The following SEPTIN10 variants were observed in gnomAD, a reference collection of about 807,000 sequenced individuals.
SEPTIN10 encodes septin 10, also known as septin-10.
Under a neutral mutation model 54.8 loss-of-function variants are expected in SEPTIN10, and 66 were observed. The observed-to-expected ratio is 1.21, with a 90% CI of 0.99 to 1.48. SEPTIN10 has a LOEUF of 1.48. Among genes scored for constraint, SEPTIN10 ranks in the 40% most tolerant of loss-of-function variants. The pLI, the probability that SEPTIN10 is intolerant of heterozygous loss-of-function variation, is 0.00. For missense variants in SEPTIN10, 620 were observed against 545.6 expected (o/e 1.14, Z -1.36); for synonymous variants, 161 against 181.0 (o/e 0.89, Z 0.89).
intron 7 of SEPTIN10, 48 bp downstream of exon 7, chr2:109,565,715 A>C (rs773936474): frequency 1.4e-6 from 2 of 1,454,648 alleles, no homozygotes; most frequent in South Asian, 2.3e-5. Context: ...GGTAGCTTTG[A>C]GATTACTAGA....
chr2:109,572,240 C>T (rs987590730), intron 5 of SEPTIN10, among the ~76,000 whole-genome samples: 8 of 152,084 alleles, frequency 5.3e-5, no homozygotes, highest in Non-Finnish European at 1.2e-4. Context: ...ATGCCATTCT[C>T]CTGCCTCAGT....
chr2:109,586,579 C>T (rs1426397327), intron 2 of SEPTIN10, among the ~76,000 whole-genome samples: 1 of 152,180 alleles, frequency 6.6e-6, no homozygotes, highest in Admixed American at 6.5e-5. Flanking sequence ...CAAACACACT[C>T]CACTCAAATC....
chr2:109,596,458 A>C (rs1230816541), intron 1 of SEPTIN10, among the ~76,000 whole-genome samples: 3 of 152,054 alleles, frequency 2.0e-5, no homozygotes, highest in Admixed American at 1.3e-4. Flanking sequence ...TCTACTAAAA[A>C]TACAAAAAAT....
chr2:109,565,280 T>C (rs1686705612), intron 7 of SEPTIN10, among the ~76,000 whole-genome samples: 1 of 152,232 alleles, frequency 6.6e-6, no homozygotes, highest in Non-Finnish European at 1.5e-5. Flanking sequence ...ATTAGCACTA[T>C]AAGTAAATGA....
At chr2:109,568,269 C>T (rs1032143603) in intron 5 of SEPTIN10, among the ~76,000 whole-genome samples, 2 of 152,056 alleles carry the variant, frequency 1.3e-5, no homozygotes, top group African/African-American at 4.8e-5. Flanking sequence ...TATTCTCAGC[C>T]TGGCCCTTTG....
At chr2:109,553,276 G>T (rs924247196) in intron 8 of SEPTIN10, 57 bp from the exon 9 acceptor site, 1 of 1,583,652 alleles carries the variant, frequency 6.3e-7, no homozygotes. Flanking sequence ...CGGGTATGGC[G>T]GCTCACGCCT....
rs377499673 is a variant in SEPTIN10 at position 109,574,648 on chromosome 2, A to G, written c.533T>C (p.Phe178Ser). ...HDSRIHVCLY[F>S]ISPTGHSLKT... The stretch of plus-strand genomic sequence containing the variant: ...CAGAGAGTGGCCTGTCGGTGAAATG[A>G]AGTAGAGACACACATGGATGCGAGA... Residue 178 changes from phenylalanine to serine, a missense_variant, in exon 5 of 11, where the codon TTC becomes TCC. Phe to Ser is a radical substitution (Grantham distance 155). Transcript: ENST00000397712. 1.6e-5 allele frequency: 26 copies of G among 1,606,694 alleles called. No individual in the cohort carries two copies. The highest frequency in any genetic ancestry group is 2.1e-5 in the Non-Finnish European group (25 of 1,176,652).
At chr2:109,568,046 C>A in intron 5 of SEPTIN10, 70 bp from the exon 6 acceptor site, 1 of 1,214,490 alleles carries the variant, frequency 8.2e-7, no homozygotes. Context: ...TGTTTTTTCA[C>A]TCAAAACTGT....
At chr2:109,579,385 CTTT>C (rs150577425) in intron 4 of SEPTIN10, among the ~76,000 whole-genome samples, 5 of 139,356 alleles carry the variant, frequency 3.6e-5, no homozygotes, top group Non-Finnish European at 3.2e-5. Flanking sequence ...CCAGGCCCTC[CTTT>C]TTTTTTTTTT....
intron 6 of SEPTIN10, among the ~76,000 whole-genome samples, chr2:109,567,271 C>A (rs1687252980): frequency 6.6e-6 from 1 of 152,086 alleles, no homozygotes; most frequent in African/African-American, 2.4e-5. Flanking sequence ...ATTTCAAAAC[C>A]CATGATCCTA....
At chr2:109,583,895 C>A (rs895545002) in intron 4 of SEPTIN10, among the ~76,000 whole-genome samples, 9 of 152,222 alleles carry the variant, frequency 5.9e-5, no homozygotes, top group African/African-American at 2.2e-4. Context: ...AACAAAAAAC[C>A]AAATACCATA....
At chr2:109,565,399 G>A (rs1391944795) in intron 7 of SEPTIN10, among the ~76,000 whole-genome samples, 1 of 152,230 alleles carries the variant, frequency 6.6e-6, no homozygotes, top group East Asian at 1.9e-4. Context: ...GAAATAGCCG[G>A]CAATACTTTG....
chr2:109,581,761 C>G (rs534401693), intron 4 of SEPTIN10, among the ~76,000 whole-genome samples: 69 of 152,262 alleles, frequency 4.5e-4, no homozygotes, highest in African/African-American at 1.6e-3. Flanking sequence ...CCCTTGAGAA[C>G]TGAAACAAGA....
intron 1 of SEPTIN10, among the ~76,000 whole-genome samples, chr2:109,608,752 CAGT>C (rs1210351041): frequency 1.3e-5 from 2 of 152,114 alleles, no homozygotes; most frequent in Admixed American, 6.5e-5. Flanking sequence ...ATCCTTAAAT[CAGT>C]AGTAGATACA....
chr2:109,607,705 T>C (rs1048474863), intron 1 of SEPTIN10, among the ~76,000 whole-genome samples: 3 of 152,172 alleles, frequency 2.0e-5, no homozygotes, highest in Admixed American at 6.5e-5. Context: ...CTGTTCTAGA[T>C]AAACCTTGAA....
At chr2:109,561,504 A>C (rs1055024045) in intron 8 of SEPTIN10, among the ~76,000 whole-genome samples, 2 of 152,124 alleles carry the variant, frequency 1.3e-5, no homozygotes, top group African/African-American at 4.8e-5. Context: ...AGAGCCTTTT[A>C]AAAAAATACT....
intron 10 of SEPTIN10, chr2:109,545,614 A>G: frequency 6.5e-7 from 1 of 1,529,864 alleles, no homozygotes; most frequent in Non-Finnish European, 8.7e-7. Context: ...CCTAAGAATT[A>G]ATTCAATAAA....
intron 2 of SEPTIN10, among the ~76,000 whole-genome samples, chr2:109,589,758 A>G (rs1693498867): frequency 6.6e-6 from 1 of 152,044 alleles, no homozygotes; most frequent in South Asian, 2.1e-4. Context: ...GCTTGGAGGT[A>G]TCCAAAATAA....
At chr2:109,569,253 A>AC (rs762401979) in intron 5 of SEPTIN10, among the ~76,000 whole-genome samples, 9 of 151,960 alleles carry the variant, frequency 5.9e-5, no homozygotes, top group African/African-American at 7.3e-5. Flanking sequence ...AAATGGAGAA[A>AC]CCCCATCTCC....
Sources: gnomAD v4.1 joint callset for allele counts (sites outside exome capture counted in the v4.1 genomes callset) on GRCh38, gnomAD v4.1.1 for gene constraint, MANE v1.5 for transcripts, NCBI Gene and HGNC (gene_info 2026-07-23, HGNC 2026-07-21) for gene names.